Variants in DISP3 observed in about 807,000 individuals in gnomAD.
DISP3 encodes the protein protein dispatched homolog 3.
A neutral mutation model predicts 135.3 loss-of-function variants in DISP3; 101 were observed. That is an observed-to-expected ratio of 0.75 (90% confidence interval 0.64 to 0.88). The LOEUF is 0.88. Among genes scored for constraint, DISP3 ranks in the 40% least tolerant of loss-of-function variants. The probability of loss-of-function intolerance (pLI) is 0.00; values close to 1 mark genes in which losing one functional copy is unlikely to be tolerated. For missense variants in DISP3, 1,713 were observed against 1,878.6 expected (o/e 0.91, Z 1.63); for synonymous variants, 856 against 817.0 (o/e 1.05, Z -0.81).
At chr1:11,507,117 C>A (rs1641726246) in intron 3 of DISP3, among the ~76,000 whole-genome samples, 1 of 152,190 alleles carries the variant, frequency 6.6e-6, no homozygotes, top group South Asian at 2.1e-4. Flanking sequence ...AAAACACACA[C>A]ACACAGAGGT....
intron 12 of DISP3, 94 bp from the exon 13 acceptor site, chr1:11,526,557 A>G (rs1642424677): frequency 1.4e-6 from 2 of 1,384,766 alleles, no homozygotes; most frequent in Admixed American, 3.5e-5. Flanking sequence ...AGGGTGAACT[A>G]TGCCGAGGAG....
At chr1:11,514,903 C>T (rs1641959847) in intron 4 of DISP3, among the ~76,000 whole-genome samples, 1 of 152,186 alleles carries the variant, frequency 6.6e-6, no homozygotes, top group Non-Finnish European at 1.5e-5. Flanking sequence ...CACTTTTTCA[C>T]CTCCGTGTGC....
intron 3 of DISP3, among the ~76,000 whole-genome samples, chr1:11,508,091 T>C (rs571467915): frequency 1.4e-4 from 21 of 149,208 alleles, no homozygotes; most frequent in Non-Finnish European, 2.4e-4. Context: ...AGTTTTGACA[T>C]GTGTGTATAC....
In DISP3 at chr1:11,530,886, G is replaced by T. The variant is rs771617084; in HGVS notation, c.3103-21G>T. Reference sequence around the variant, plus strand: ...CCGTCTCACTGAGCGGCCCGGGCCGGCTTGTTTCTCCTTGGGAAAGGGTAG... The same window carrying T: ...CCGTCTCACTGAGCGGCCCGGGCCGTCTTGTTTCTCCTTGGGAAAGGGTAG... On this transcript the variant is annotated intron_variant, in intron 15 of 20. Transcript: ENST00000294484. 2 of 1,612,970 alleles carry T rather than the reference G, an allele frequency of 1.2e-6. 1 individual carries two copies. The highest frequency in any genetic ancestry group is 2.2e-5 in the South Asian group (2 of 91,042).
chr1:11,524,584 A>G (rs1391954132), intron 11 of DISP3, among the ~76,000 whole-genome samples: 1 of 149,356 alleles, frequency 6.7e-6, no homozygotes, highest in Non-Finnish European at 1.5e-5. Flanking sequence ...CCCAGTGACT[A>G]CCACCTCCCC....
chr1:11,515,427 C>G lies in DISP3; in HGVS notation c.1512C>G (p.Phe504Leu). Residue 504 changes from phenylalanine (F) to leucine (L), a missense_variant, in exon 5 of 21, where the codon TTC becomes TTG. This residue lies in a region of DISP3 where 1,142 missense variants were observed against 1,384.6 expected (regional missense o/e 0.82). Transcript: ENST00000294484. ...GTCTCAGCTGCCTGGTGGCCCTCTT[C>G]CTGTACCACGTGGTCTTTGGTATCC... is the stretch of plus-strand genomic sequence containing the variant. ...SIGLSCLVAL[F>L]LYHVVFGIQY... is the part of the protein sequence containing the mutation. 6.2e-7 allele frequency: 1 copy of G among 1,614,142 alleles called. No individual in the cohort carries two copies.
At position 11,501,873 on chromosome 1, in the gene DISP3, G is replaced by C. The variant is rs199595312; in HGVS notation, c.881G>C (p.Arg294Pro). 7 of 1,613,144 alleles carry C rather than the reference G, an allele frequency of 4.3e-6. No individual in the cohort carries two copies. The Admixed American group carries it at 8.3e-5, about 19-fold the overall frequency. Residue 294 changes from arginine to proline, a missense_variant, in exon 2 of 21, where the codon CGC becomes CCC. By Grantham distance (103) the Arg-to-Pro change is moderately radical. Around this residue, in one of 2 missense-constraint regions of DISP3, gnomAD observed 571 missense variants for 494.1 expected, o/e 1.16. Transcript: ENST00000294484. This position sits in a 1 kb window ranked among gnomAD's most constrained non-coding sequence, Gnocchi z 4.9. ...GAGCGCAACATTTTCACCAGTGAGCGCCTGGTCACGATCCATGAGATCGAG... is the reference window on the plus strand; with the variant it reads ...GAGCGCAACATTTTCACCAGTGAGCCCCTGGTCACGATCCATGAGATCGAG... The part of the protein sequence containing the change: ...DAERNIFTSE[R>P]LVTIHEIERK...
At chr1:11,495,189 A>C (rs1641297307) in intron 1 of DISP3, among the ~76,000 whole-genome samples, 1 of 152,182 alleles carries the variant, frequency 6.6e-6, no homozygotes, top group South Asian at 2.1e-4. Context: ...CAGGAGTTCG[A>C]GACCAGCCTG....
rs192105742 is a variant in DISP3, at chr1:11,491,261, A to G, written c.-3-9729A>G. ...TGACCAGGGCAGCAGGGGTTTTCCA[A>G]GAATGCTTCTGGACCGCCTGTATCA... On this transcript the variant is annotated intron_variant, in intron 1 of 20. Coordinates refer to ENST00000294484, the MANE Select transcript of DISP3 (RefSeq NM_020780.2). This position sits in a 1 kb window ranked among gnomAD's most constrained non-coding sequence, Gnocchi z 4.3. Among the ~76,000 whole-genome samples, 5 of 152,246 alleles carry G rather than the reference A, an allele frequency of 3.3e-5. No individual in the cohort carries two copies. Among genetic ancestry groups the G allele is most frequent in the African/African-American group, 1.2e-4 (5 of 41,534 alleles).
At position 11,520,889 on chromosome 1, in the gene DISP3, T is replaced by G; in HGVS notation, c.2362+41T>G. The G allele has an allele frequency of 6.5e-7, 1 of 1,542,966 alleles. No individual in the cohort carries two copies. The highest frequency in any genetic ancestry group is 8.8e-7 in the Non-Finnish European group (1 of 1,141,134). On this transcript the variant is annotated intron_variant, in intron 10 of 20. Transcript: ENST00000294484. The surrounding 1 kb of genome is among the most constrained non-coding windows in gnomAD (Gnocchi z 4.8). ...AGGCTGTCCCTGGCCCGCTCAGGTGTCCGGGTCCCAAAGACTGTTGGTCTG... is the reference window on the plus strand; with the variant it reads ...AGGCTGTCCCTGGCCCGCTCAGGTGGCCGGGTCCCAAAGACTGTTGGTCTG...
At chr1:11,480,162 C>G (rs1193952091) in intron 1 of DISP3, among the ~76,000 whole-genome samples, 1 of 152,200 alleles carries the variant, frequency 6.6e-6, no homozygotes, top group Non-Finnish European at 1.5e-5. Context: ...GGGGGCTTCT[C>G]TTCTCGGCCT....
At chr1:11,493,021 A>G (rs931101120) in intron 1 of DISP3, among the ~76,000 whole-genome samples, 1 of 152,180 alleles carries the variant, frequency 6.6e-6, no homozygotes, top group Non-Finnish European at 1.5e-5. Flanking sequence ...GCCCCATTGT[A>G]TTAGGGTTCT....
intron 3 of DISP3, among the ~76,000 whole-genome samples, chr1:11,512,467 CTT>C (rs1411812567): frequency 6.6e-6 from 1 of 152,194 alleles, no homozygotes; most frequent in Non-Finnish European, 1.5e-5. Flanking sequence ...CCACCAGTCT[CTT>C]TGCTAAAACA....
At chr1:11,530,280 G>A (rs981889297) in intron 15 of DISP3, among the ~76,000 whole-genome samples, 7 of 152,198 alleles carry the variant, frequency 4.6e-5, no homozygotes, top group Middle Eastern at 3.2e-3. Flanking sequence ...CTCTGAGCTC[G>A]GCCGTGGCTT....
In DISP3 at chr1:11,516,692, T is replaced by C. The variant is rs1289282725; in HGVS notation, c.1749+531T>C. The stretch of plus-strand genomic sequence containing the variant: ...AAGGCATTGAGCCCAGGCTGGGTCC[T>C]TGGTACAGAAAGACAGTGAATTGGC... On this transcript the variant is annotated intron_variant, in intron 6 of 20. Coordinates refer to ENST00000294484, the MANE Select transcript of DISP3 (RefSeq NM_020780.2). This position sits in a 1 kb window ranked among gnomAD's most constrained non-coding sequence, Gnocchi z 5.1. Among the ~76,000 whole-genome samples the C allele has an allele frequency of 6.6e-6, 1 of 152,188 alleles. No homozygotes were observed. Among genetic ancestry groups the C allele is most frequent in the Admixed American group, 6.5e-5 (1 of 15,282 alleles).
chr1:11,526,766 G>T lies in DISP3; in HGVS notation c.2729G>T (p.Cys910Phe). The change falls in exon 13 of 21, where the codon TGT (cysteine) becomes TTT (phenylalanine). Residue 910 changes from cysteine (C) to phenylalanine (F), a missense_variant. Coordinates refer to ENST00000294484, the MANE Select transcript of DISP3 (RefSeq NM_020780.2). ...AAGTGGATGCTGACGACCTTGGCCTGTGATGCCAAGCGGGGCTGGAAGTTT... is the reference window on the plus strand; with the variant it reads ...AAGTGGATGCTGACGACCTTGGCCTTTGATGCCAAGCGGGGCTGGAAGTTT... ...SRKWMLTTLACDAKRGWKFDF... is the reference protein window; with the variant it reads ...SRKWMLTTLAFDAKRGWKFDF... 6.2e-7 allele frequency: 1 copy of T among 1,613,752 alleles called. No homozygotes were observed.
chr1:11,519,630 C>A lies in DISP3; in HGVS notation c.2039-89C>A. ...GGACAAGATGGCCTGTGGGCTTCCT[C>A]ACCAGGCATCTGGGCTTCCCTGGAA... is the stretch of plus-strand genomic sequence containing the variant. On this transcript the variant is annotated intron_variant, in intron 8 of 20. Coordinates refer to ENST00000294484, the MANE Select transcript of DISP3 (RefSeq NM_020780.2). The surrounding 1 kb of genome is among the most constrained non-coding windows in gnomAD (Gnocchi z 4.3). 1.3e-6 allele frequency: 2 copies of A among 1,570,950 alleles called. No individual in the cohort carries two copies. The highest frequency in any genetic ancestry group is 1.2e-5 in the South Asian group (1 of 86,062).
Position 11,536,336 on chromosome 1 carries a change from C to T in DISP3, c.3829C>T (p.Gln1277Ter), listed in dbSNP as rs1642704847. 2 of 1,600,690 alleles carry T rather than the reference C, an allele frequency of 1.2e-6. No homozygotes were observed. Among genetic ancestry groups the T allele is most frequent in the East Asian group, 4.5e-5 (2 of 44,864 alleles). ...PPHQAEDARTQRQWRTLEAVR... is the reference protein window; with the variant it reads ...PPHQAEDART ...CTCTTGCCCCCAGGACGCCCGAACGCAGCGCCAGTGGCGTACGCTGGAGGC... is the reference window on the plus strand; with the variant it reads ...CTCTTGCCCCCAGGACGCCCGAACGTAGCGCCAGTGGCGTACGCTGGAGGC... The change falls in exon 21 of 21, where the codon CAG becomes TAG. Residue 1277 changes from glutamine to a stop codon, truncating the protein, a stop_gained. Transcript: ENST00000294484. LOFTEE classifies it high-confidence loss of function. This position sits in a 1 kb window ranked among gnomAD's most constrained non-coding sequence, Gnocchi z 4.3.
chr1:11,530,859 C>A, intron 15 of DISP3, 48 bp from the exon 16 acceptor site: 2 of 1,608,650 alleles, frequency 1.2e-6, no homozygotes, highest in Non-Finnish European at 1.7e-6. Flanking sequence ...AGGACTGAGT[C>A]CCCGTCTCAC....
Sources: allele counts gnomAD v4.1 joint callset (sites outside exome capture counted in the v4.1 genomes callset), GRCh38; gene constraint gnomAD v4.1.1; regional missense constraint gnomAD v4.1.1; non-coding constraint Gnocchi (gnomAD v3.1); transcripts MANE v1.5; gene names NCBI Gene and HGNC (gene_info 2026-07-23, HGNC 2026-07-21).